Variants in ITGB4 observed in about 807,000 individuals in gnomAD.
The protein encoded by ITGB4 is integrin beta-4.
ITGB4 carries 159 observed loss-of-function variants against 207.6 expected under a neutral mutation model. That is an observed-to-expected ratio of 0.77 (90% CI 0.67 to 0.87). The LOEUF (loss-of-function observed/expected upper bound fraction) is 0.87. Among genes scored for constraint, ITGB4 ranks in the 40% least tolerant of loss-of-function variants. The probability of loss-of-function intolerance (pLI) is 0.00; values close to 1 mark genes in which losing one functional copy is unlikely to be tolerated. For synonymous variants in ITGB4, 1,020 were observed against 1,062.7 expected (o/e 0.96, Z 0.78); for missense variants, 2,278 against 2,546.8 (o/e 0.89, Z 2.27).
At position 75,731,101 on chromosome 17, in the gene ITGB4, C is replaced by T; in HGVS notation, c.1092+137C>T. The T allele has an allele frequency of 6.9e-7, 1 of 1,440,514 alleles. No homozygotes were observed. Among genetic ancestry groups the T allele is most frequent in the South Asian group, 1.2e-5 (1 of 82,544 alleles). The allele number at this position is 1,440,514 out of a possible 1,614,324, so 89.2% of individuals were successfully genotyped here. The stretch of plus-strand genomic sequence containing the variant: ...CCAGTGAGGAAGGGTCTCTAGCTAT[C>T]CCTGAGGCCCCGAGGGGCCACCTGG... On this transcript the variant is annotated intron_variant, in intron 9 of 39. Coordinates refer to ENST00000200181, the MANE Select transcript of ITGB4 (RefSeq NM_000213.5). The surrounding 1 kb of genome is among the most constrained non-coding windows in gnomAD (Gnocchi z 6.8).
intron 32 of ITGB4, 40 bp from the exon 33 acceptor site, chr17:75,753,725 C>T (rs2061421030): frequency 1.5e-6 from 2 of 1,322,042 alleles, no homozygotes; most frequent in Non-Finnish European, 1.9e-6. Flanking sequence ...CGGCCCGGCG[C>T]CCCCCGGCGG....
chr17:75,724,891 C>T (rs1015995921), intron 2 of ITGB4, 109 bp downstream of exon 2: 1 of 897,594 alleles, frequency 1.1e-6, no homozygotes, highest in East Asian at 2.6e-5. Context: ...CTTGGCCATT[C>T]AGCAACTGAC....
Position 75,737,590 on chromosome 17 carries a change from G to T in ITGB4, c.2166G>T (p.Leu722=), listed in dbSNP as rs1183851881. The part of the protein sequence containing the change: ...WWLIPLLLLL[L]PLLALLLLLC... The stretch of plus-strand genomic sequence containing the variant: ...TCATCCCCCTGCTCCTCCTCCTCCT[G>T]CCGCTCCTGGCCCTGCTACTGCTGC... Residue 722 remains leucine, a synonymous_variant, in exon 18 of 40, where the codon CTG becomes CTT. Coordinates refer to ENST00000200181, the MANE Select transcript of ITGB4 (RefSeq NM_000213.5). 1 of 1,610,702 alleles carries T rather than the reference G, an allele frequency of 6.2e-7. No homozygotes were observed. The highest frequency in any genetic ancestry group is 2.2e-5 in the East Asian group (1 of 44,746).
At position 75,727,627 on chromosome 17, in the gene ITGB4, G is replaced by A. The variant is rs375371603; in HGVS notation, c.265-24G>A. ...GGCCTCCGGAGTGACCCTCTAGCCA[G>A]CTGTCCCCTTCCACTGGCTGCAGGA... On this transcript the variant is annotated intron_variant, in intron 4 of 39. Coordinates refer to ENST00000200181, the MANE Select transcript of ITGB4 (RefSeq NM_000213.5). The surrounding 1 kb of genome is among the most constrained non-coding windows in gnomAD (Gnocchi z 6.0). 7.5e-6 allele frequency: 12 copies of A among 1,590,372 alleles called. No homozygotes were observed. Among genetic ancestry groups the A allele is most frequent in the East Asian group, 6.8e-5 (3 of 43,942 alleles).
chr17:75,745,631 C>T (rs1227024884), intron 26 of ITGB4, among the ~76,000 whole-genome samples: 1 of 152,052 alleles, frequency 6.6e-6, no homozygotes, highest in African/African-American at 2.4e-5. Flanking sequence ...GTAATCCTAG[C>T]ACTGTGGGAG....
At position 75,740,314 on chromosome 17, in the gene ITGB4, G is replaced by A. The variant is rs1483083164; in HGVS notation, c.2447-44G>A. ...GCTCTGTGGTGCCTGTCATGCAGGG[G>A]GCTGACCACCTCCATCTCACCCCCT... On this transcript the variant is annotated intron_variant, in intron 20 of 39. Coordinates refer to ENST00000200181, the MANE Select transcript of ITGB4 (RefSeq NM_000213.5). This position sits in a 1 kb window ranked among gnomAD's most constrained non-coding sequence, Gnocchi z 5.9. The A allele has an allele frequency of 1.3e-6, 2 of 1,532,854 alleles. No homozygotes were observed. The highest frequency in any genetic ancestry group is 1.7e-5 in the Admixed American group (1 of 58,036). The allele number at this position is 1,532,854 out of a possible 1,614,324, so 95.0% of individuals were successfully genotyped here. A position where few individuals can be genotyped will look rare whatever the true frequency, so the allele number is the denominator to read the frequency against.
At chr17:75,751,680 G>T (rs1480001244) in intron 30 of ITGB4, 1 of 222,310 alleles carries the variant, frequency 4.5e-6, no homozygotes, top group Non-Finnish European at 9.1e-6. Flanking sequence ...GGCGCAGGTT[G>T]CAGTGAACCG....
chr17:75,725,709 G>T (rs1199915440), intron 2 of ITGB4, among the ~76,000 whole-genome samples: 2 of 152,182 alleles, frequency 1.3e-5, no homozygotes, highest in African/African-American at 4.8e-5. Context: ...GGTCCTCACT[G>T]TGATTTTTAA....
Position 75,740,151 on chromosome 17 carries a change from T to G in ITGB4, c.2446+80T>G, listed in dbSNP as rs896553746. On this transcript the variant is annotated intron_variant, in intron 20 of 39. Transcript: ENST00000200181. This position sits in a 1 kb window ranked among gnomAD's most constrained non-coding sequence, Gnocchi z 5.9. ...TCCAGATCTGGGATCACAGCATGCC[T>G]CTTCTCTGGGTGTGGGGTGCAGGCA... 1.4e-6 allele frequency: 2 copies of G among 1,451,684 alleles called. No homozygotes were observed. The highest frequency in any genetic ancestry group is 1.9e-6 in the Non-Finnish European group (2 of 1,070,672). 89.9% of individuals were successfully genotyped at this position (1,451,684 alleles called of 1,614,324 possible).
At chr17:75,735,334 C>T (rs1407526009) in intron 13 of ITGB4, among the ~76,000 whole-genome samples, 1 of 152,002 alleles carries the variant, frequency 6.6e-6, no homozygotes, top group Non-Finnish European at 1.5e-5. Flanking sequence ...GTGATCCTCC[C>T]GCCTCGGCCT....
rs777671497 is a variant in ITGB4 at position 75,750,814 on chromosome 17, C to A, written c.3609C>A (p.Gly1203=). 6.2e-7 allele frequency: 1 copy of A among 1,613,428 alleles called. No individual in the cohort carries two copies. Reference sequence around the variant, plus strand: ...AGGTGTGCGCCTACGGGGCTCAGGGCGAGGGACCCTACAGCTCCCTGGTGT... The same window carrying A: ...AGGTGTGCGCCTACGGGGCTCAGGGAGAGGGACCCTACAGCTCCCTGGTGT... ...EMKVCAYGAQ[G]EGPYSSLVSC... Residue 1203 remains glycine (G), a synonymous_variant, in exon 29 of 40, where the codon GGC becomes GGA. Coordinates refer to ENST00000200181, the MANE Select transcript of ITGB4 (RefSeq NM_000213.5). This position sits in a 1 kb window ranked among gnomAD's most constrained non-coding sequence, Gnocchi z 5.5.
chr17:75,724,907 C>G, intron 2 of ITGB4, 125 bp downstream of exon 2: 1 of 808,530 alleles, frequency 1.2e-6, no homozygotes, highest in Non-Finnish European at 2.1e-6. Context: ...CTGACCACTG[C>G]CCACCTTCAG....
Position 75,740,910 on chromosome 17 carries a change from C to T in ITGB4, c.2609+59C>T. The T allele has an allele frequency of 6.2e-7, 1 of 1,613,350 alleles. No homozygotes were observed. The highest frequency in any genetic ancestry group is 8.5e-7 in the Non-Finnish European group (1 of 1,179,610). On this transcript the variant is annotated intron_variant, in intron 22 of 39. Coordinates refer to ENST00000200181, the MANE Select transcript of ITGB4 (RefSeq NM_000213.5). The surrounding 1 kb of genome is among the most constrained non-coding windows in gnomAD (Gnocchi z 5.9). ...GCCGCTCCTACCGGGACTCCAGGAGCCGAAGCCCCCAGGCCGATCAGGCCT... is the reference window on the plus strand; with the variant it reads ...GCCGCTCCTACCGGGACTCCAGGAGTCGAAGCCCCCAGGCCGATCAGGCCT...
intron 25 of ITGB4, 74 bp from the exon 26 acceptor site, chr17:75,743,639 A>G (rs1460565203): frequency 1.2e-5 from 20 of 1,600,704 alleles, no homozygotes; most frequent in Non-Finnish European, 1.6e-5. Flanking sequence ...TGGGCTGGGC[A>G]GGGTCACAGG....
intron 34 of ITGB4, 173 bp downstream of exon 34, chr17:75,754,988 A>G (rs1018668926): frequency 1.9e-6 from 3 of 1,544,894 alleles, no homozygotes; most frequent in East Asian, 2.3e-5. Context: ...ACAGACATGC[A>G]TGCGCACACG....
Position 75,731,798 on chromosome 17 carries a change from C to T in ITGB4, c.1216-14C>T, listed in dbSNP as rs763059050. The T allele has an allele frequency of 3.4e-5, 54 of 1,566,814 alleles. No individual in the cohort carries two copies. The East Asian group carries it at 4.0e-4, about 12-fold the overall frequency. ...GGGCTGGGCCTGCCTTGGCTGACCA[C>T]GGGGCCCCTGCAGGGTATATACCAG... On this transcript the variant is annotated splice_polypyrimidine_tract_variant and intron_variant, in intron 10 of 39. Coordinates refer to ENST00000200181, the MANE Select transcript of ITGB4 (RefSeq NM_000213.5). The surrounding 1 kb of genome is among the most constrained non-coding windows in gnomAD (Gnocchi z 6.8).
At chr17:75,728,235 T>C (rs1278287212) in intron 5 of ITGB4, 142 bp from the exon 6 acceptor site, 2 of 712,302 alleles carry the variant, frequency 2.8e-6, no homozygotes, top group East Asian at 2.7e-5. Context: ...GAACAGACAA[T>C]GTTGTGAGCA....
At chr17:75,728,568 G>C (rs909756499) in intron 6 of ITGB4, 95 bp downstream of exon 6, 1 of 1,017,298 alleles carries the variant, frequency 9.8e-7, no homozygotes, top group African/African-American at 1.6e-5. Flanking sequence ...TCCTTCTACG[G>C]CTGGGCACGG....
At position 75,739,649 on chromosome 17, in the gene ITGB4, C is replaced by A. The variant is rs758504232; in HGVS notation, c.2221-23C>A. The A allele has an allele frequency of 1.9e-6, 3 of 1,614,058 alleles. No homozygotes were observed. The South Asian group carries it at 3.3e-5, about 18-fold the overall frequency. ...GCCAGGGCAGCTGTCTCAGGCCTCA[C>A]CCTCACCCACCTTGTCTCCTAGGCC... On this transcript the variant is annotated intron_variant, in intron 18 of 39. Transcript: ENST00000200181. This position sits in a 1 kb window ranked among gnomAD's most constrained non-coding sequence, Gnocchi z 5.4.
Sources: allele counts gnomAD v4.1 joint callset (sites outside exome capture counted in the v4.1 genomes callset), GRCh38; gene constraint gnomAD v4.1.1; non-coding constraint Gnocchi (gnomAD v3.1); transcripts MANE v1.5; gene names NCBI Gene and HGNC (gene_info 2026-07-23, HGNC 2026-07-21).